HSD17B12: variants seen among roughly 807,000 people sequenced by gnomAD.
HSD17B12 encodes the protein hydroxysteroid 17-beta dehydrogenase 12.
A neutral mutation model predicts 39.3 loss-of-function variants in HSD17B12; 32 were observed. The ratio of observed to expected loss-of-function variants is 0.81; its 90% CI spans 0.61 to 1.09. HSD17B12 has a LOEUF of 1.09. Ranked by LOEUF, HSD17B12 falls within the 50% of genes least tolerant of loss-of-function variation. The pLI, the probability that HSD17B12 is intolerant of heterozygous loss-of-function variation, is 0.00. For synonymous variants in HSD17B12, 150 were observed against 146.7 expected (o/e 1.02, Z -0.16); for missense variants, 342 against 382.9 (o/e 0.89, Z 0.89).
At chr11:43,744,103 G>A (rs1192568319) in intron 1 of HSD17B12, among the ~76,000 whole-genome samples, 2 of 152,082 alleles carry the variant, frequency 1.3e-5, no homozygotes, top group East Asian at 1.9e-4. Flanking sequence ...TAGGAAAGTA[G>A]AGCAAAAAGA....
At chr11:43,585,953 C>T in the HSD17B12 span, among the ~76,000 whole-genome samples, 320 of 152,234 alleles carry the variant, frequency 2.1e-3, 2 homozygotes, top group Non-Finnish European at 3.0e-3. Flanking sequence ...ATGTAGCATG[C>T]CAAAACTGGA....
the HSD17B12 span, among the ~76,000 whole-genome samples, chr11:43,608,844 A>G: frequency 1.3e-5 from 2 of 152,160 alleles, no homozygotes; most frequent in East Asian, 3.8e-4. Context: ...AGGCCTCCAA[A>G]TGGGAATAAT....
chr11:43,781,460 A>C (rs907502789), intron 3 of HSD17B12, among the ~76,000 whole-genome samples: 4 of 152,154 alleles, frequency 2.6e-5, no homozygotes, highest in African/African-American at 9.7e-5. Context: ...CAAATGCCAA[A>C]CTCATGAACC....
chr11:43,811,597 A>G (rs139368871), intron 4 of HSD17B12, among the ~76,000 whole-genome samples: 134 of 152,232 alleles, frequency 8.8e-4, no homozygotes, highest in African/African-American at 3.2e-3. Context: ...TTTAACAGAT[A>G]CATAATATTT....
At chr11:43,631,385 T>C in the HSD17B12 span, among the ~76,000 whole-genome samples, 1 of 152,162 alleles carries the variant, frequency 6.6e-6, no homozygotes, top group Non-Finnish European at 1.5e-5. Flanking sequence ...CCTAAAGGCA[T>C]CTTCCAATTT....
Position 43,838,393 on chromosome 11 carries a change from AC to A in HSD17B12, c.615del (p.Lys206ArgfsTer4). 1 of 1,609,136 alleles carries A rather than the reference AC, an allele frequency of 6.2e-7. No homozygotes were observed. Among genetic ancestry groups the A allele is most frequent in the Non-Finnish European group, 8.5e-7 (1 of 1,175,646 alleles). ...CCCACTCTTGACCATCTATTCTGCA[AC>A]CAAGGTAAAAAATATTTTCTTAAAT... The part of the protein sequence containing the change: ...PVPLLTIYSA[T>X]KTFVDFFSQC... On this transcript the variant is annotated frameshift_variant, in exon 8 of 11. Transcript: ENST00000278353. LOFTEE classifies it high-confidence loss of function.
At chr11:43,688,592 C>T (rs975433539) in intron 1 of HSD17B12, among the ~76,000 whole-genome samples, 8 of 152,170 alleles carry the variant, frequency 5.3e-5, no homozygotes, top group Non-Finnish European at 1.0e-4. Context: ...TTATCTTTGC[C>T]ACCATTTAGT....
chr11:43,603,171 T>G, the HSD17B12 span, among the ~76,000 whole-genome samples: 1 of 152,208 alleles, frequency 6.6e-6, no homozygotes, highest in Non-Finnish European at 1.5e-5. Context: ...CCTGAGACTT[T>G]ATTTTTTATT....
At chr11:43,655,949 A>C in the HSD17B12 span, among the ~76,000 whole-genome samples, 1 of 152,078 alleles carries the variant, frequency 6.6e-6, no homozygotes, top group Non-Finnish European at 1.5e-5. Context: ...TTCCTCTTTT[A>C]CTATTGATTG....
intron 6 of HSD17B12, among the ~76,000 whole-genome samples, chr11:43,817,016 CTATATCTATATCTATATCTATATCTA>C (rs1565099929): frequency 3.1e-4 from 8 of 26,146 alleles, no homozygotes; most frequent in African/African-American, 5.7e-4. Flanking sequence ...ATATCTATAT[CTATATCTATATCTATATCTATATCTA>C]TATATATATA....
chr11:43,574,660 A>T, the HSD17B12 span, among the ~76,000 whole-genome samples: 2 of 152,144 alleles, frequency 1.3e-5, no homozygotes, highest in African/African-American at 4.8e-5. Flanking sequence ...CCACACACAC[A>T]TGCACACCCT....
At chr11:43,717,396 C>T (rs1400545189) in intron 1 of HSD17B12, among the ~76,000 whole-genome samples, 1 of 152,318 alleles carries the variant, frequency 6.6e-6, no homozygotes, top group South Asian at 2.1e-4. Context: ...TTCAAGAATT[C>T]ATTCATTTCC....
chr11:43,737,236 GTGT>G (rs1390300559), intron 1 of HSD17B12, among the ~76,000 whole-genome samples: 1 of 152,232 alleles, frequency 6.6e-6, no homozygotes, highest in Non-Finnish European at 1.5e-5. Flanking sequence ...TTTGCTTCCA[GTGT>G]TGCTCTAGTC....
chr11:43,719,895 T>G (rs1227209463), intron 1 of HSD17B12, among the ~76,000 whole-genome samples: 1 of 152,230 alleles, frequency 6.6e-6, no homozygotes, highest in Non-Finnish European at 1.5e-5. Context: ...GGTGGTACTT[T>G]TAGTACGATA....
the HSD17B12 span, among the ~76,000 whole-genome samples, chr11:43,592,320 C>T: frequency 0.028 from 4,236 of 150,116 alleles, 79 homozygotes; most frequent in African/African-American, 0.056. Flanking sequence ...TGCAGGAAGG[C>T]CTATAATAAA....
At chr11:43,777,082 A>G (rs1950713505) in intron 3 of HSD17B12, among the ~76,000 whole-genome samples, 2 of 152,134 alleles carry the variant, frequency 1.3e-5, no homozygotes, top group African/African-American at 2.4e-5. Flanking sequence ...TTGACTTGGC[A>G]ATGTGGGCTC....
At chr11:43,779,417 C>A (rs117973763) in intron 3 of HSD17B12, among the ~76,000 whole-genome samples, 2 of 152,312 alleles carry the variant, frequency 1.3e-5, no homozygotes, top group East Asian at 3.9e-4. Context: ...AATAAACTTA[C>A]AACATTGGTT....
chr11:43,839,960 A>C, intron 8 of HSD17B12, 39 bp from the exon 9 acceptor site: 1 of 1,465,636 alleles, frequency 6.8e-7, no homozygotes, highest in Admixed American at 1.7e-5. Flanking sequence ...AGATTGATGT[A>C]ATGTGTGTGT....
At chr11:43,730,718 G>A (rs1950259826) in intron 1 of HSD17B12, among the ~76,000 whole-genome samples, 1 of 152,156 alleles carries the variant, frequency 6.6e-6, no homozygotes, top group African/African-American at 2.4e-5. Flanking sequence ...TCTCCTAGGT[G>A]TAAAGTACCT....
Sources: allele counts gnomAD v4.1 joint callset (sites outside exome capture counted in the v4.1 genomes callset), GRCh38; gene constraint gnomAD v4.1.1; transcripts MANE v1.5; gene names NCBI Gene and HGNC (gene_info 2026-07-23, HGNC 2026-07-21).